DYSF: variants seen among roughly 807,000 people sequenced by gnomAD.
DYSF encodes the protein dysferlin, also known as dystrophy-associated fer-1-like 1.
DYSF carries 212 observed loss-of-function variants against 274.9 expected under a neutral mutation model. The observed-to-expected ratio is 0.77, with a 90% CI of 0.69 to 0.86. The LOEUF is 0.86. DYSF is among the 40% of genes least tolerant of loss of function. DYSF has a pLI of 0.00. For missense variants in DYSF, 2,666 were observed against 2,783.2 expected (o/e 0.96, Z 0.95); for synonymous variants, 1,091 against 1,078.7 (o/e 1.01, Z -0.22).
At chr2:71,607,107 A>G (rs2093661698) in intron 36 of DYSF, among the ~76,000 whole-genome samples, 1 of 152,220 alleles carries the variant, frequency 6.6e-6, no homozygotes, top group East Asian at 1.9e-4. Context: ...GTGTCTTTCT[A>G]TGGGAATAAG....
chr2:71,525,671 G>T (rs999525805), intron 12 of DYSF, among the ~76,000 whole-genome samples: 1 of 151,742 alleles, frequency 6.6e-6, no homozygotes, highest in Non-Finnish European at 1.5e-5. Flanking sequence ...CACAGTACAT[G>T]TTATTGGATT....
At chr2:71,635,130 C>T (rs1042336438) in intron 41 of DYSF, among the ~76,000 whole-genome samples, 1 of 152,146 alleles carries the variant, frequency 6.6e-6, no homozygotes, top group South Asian at 2.1e-4. Flanking sequence ...GGGTCTGTTC[C>T]GTGTACACTT....
intron 7 of DYSF, among the ~76,000 whole-genome samples, chr2:71,514,503 A>T (rs1055095194): frequency 6.6e-6 from 1 of 152,212 alleles, no homozygotes; most frequent in Non-Finnish European, 1.5e-5. Context: ...AAAAGCTATT[A>T]ATATGAACAC....
At position 71,590,365 on chromosome 2, in the gene DYSF, CA is replaced by C; in HGVS notation, c.3574+79del. 2.6e-6 allele frequency: 4 copies of C among 1,522,360 alleles called. No homozygotes were observed. In the East Asian group the frequency reaches 9.0e-5, roughly 34 times the overall value. The allele number at this position is 1,522,360 out of a possible 1,614,324, so 94.3% of individuals were successfully genotyped here. On this transcript the variant is annotated intron_variant, in intron 32 of 55. Transcript: ENST00000410020. ...ATGGAGACATCTGGCTTTCGGGCAA[CA>C]AGGGGTGCTGTTTGCTGGGTGCATG...
intron 21 of DYSF, among the ~76,000 whole-genome samples, chr2:71,555,348 G>A (rs1331850068): frequency 6.6e-6 from 1 of 152,152 alleles, no homozygotes; most frequent in East Asian, 1.9e-4. Flanking sequence ...GCTGGGTGGG[G>A]AGGGGTGTGT....
intron 34 of DYSF, 119 bp downstream of exon 34, chr2:71,600,961 C>A: frequency 7.2e-7 from 1 of 1,387,282 alleles, no homozygotes; most frequent in Non-Finnish European, 1.0e-6. Context: ...GACCCATTTT[C>A]TGAACCCTAA....
At chr2:71,601,417 G>C in intron 34 of DYSF, 82 bp from the exon 35 acceptor site, 1 of 1,559,848 alleles carries the variant, frequency 6.4e-7, no homozygotes, top group Non-Finnish European at 8.8e-7. Flanking sequence ...TCTGATCACT[G>C]ACATAGTCCA....
chr2:71,616,872 AT>A (rs1481263961), intron 40 of DYSF, among the ~76,000 whole-genome samples: 1 of 151,766 alleles, frequency 6.6e-6, no homozygotes, highest in Non-Finnish European at 1.5e-5. Context: ...CTCTGACTTC[AT>A]TTCTACCTTT....
intron 41 of DYSF, among the ~76,000 whole-genome samples, chr2:71,640,231 G>A (rs2094466172): frequency 2.0e-5 from 3 of 152,206 alleles, no homozygotes; most frequent in East Asian, 1.9e-4. Flanking sequence ...AAGGGAGAAA[G>A]CCTGATACTG....
intron 3 of DYSF, among the ~76,000 whole-genome samples, chr2:71,491,318 A>G (rs1445393099): frequency 1.3e-5 from 2 of 152,250 alleles, no homozygotes; most frequent in Non-Finnish European, 2.9e-5. Context: ...TTCTATCTGT[A>G]TAAAACTTTT....
chr2:71,521,096 A>G (rs1573706154), intron 12 of DYSF, among the ~76,000 whole-genome samples, 192 bp downstream of exon 12: 1 of 152,234 alleles, frequency 6.6e-6, no homozygotes, highest in East Asian at 1.9e-4. Context: ...ATTAATAAAA[A>G]ATGAATCACT....
chr2:71,527,128 C>T (rs915959952), intron 13 of DYSF, among the ~76,000 whole-genome samples: 2 of 152,338 alleles, frequency 1.3e-5, no homozygotes, highest in Non-Finnish European at 2.9e-5. Context: ...GGGGCCCCAC[C>T]TCCAGCGTTT....
intron 3 of DYSF, among the ~76,000 whole-genome samples, chr2:71,498,805 C>G (rs1389594782): frequency 6.6e-5 from 10 of 152,174 alleles, no homozygotes; most frequent in Non-Finnish European, 1.2e-4. Flanking sequence ...TCGGTTGGGT[C>G]AGATCTCTTT....
chr2:71,536,152 AG>A (rs2089314742), intron 16 of DYSF, among the ~76,000 whole-genome samples: 1 of 152,222 alleles, frequency 6.6e-6, no homozygotes, highest in Non-Finnish European at 1.5e-5. Flanking sequence ...GTGTGATCTC[AG>A]GGCATTGGGC....
Position 71,555,969 on chromosome 2 carries a change from C to G in DYSF, c.2114C>G (p.Ala705Gly). The G allele has an allele frequency of 6.4e-7, 1 of 1,559,500 alleles. No homozygotes were observed. The highest frequency in any genetic ancestry group is 2.4e-5 in the East Asian group (1 of 42,332). The change falls in exon 22 of 56, where the codon GCT becomes GGT. Residue 705 changes from alanine (A) to glycine (G), a missense_variant. By Grantham distance (60) the Ala-to-Gly change is moderately conservative (BLOSUM62 0). Coordinates refer to ENST00000410020, the MANE Select transcript of DYSF (RefSeq NM_001130987.2). The stretch of plus-strand genomic sequence containing the variant: ...CCTTGCCTGCCCATTCCACAGGAAG[C>G]TGGCCTGGAGCAGGTCCACCTGGCC... The part of the protein sequence containing the change: ...QLLGIADRLE[A>G]GLEQVHLALK...
chr2:71,680,083 T>G (rs1033691842), intron 53 of DYSF, among the ~76,000 whole-genome samples: 1 of 152,168 alleles, frequency 6.6e-6, no homozygotes, highest in Non-Finnish European at 1.5e-5. Flanking sequence ...TGAGGCACAG[T>G]AAGAGATTAA....
chr2:71,551,614 G>A lies in DYSF; in HGVS notation c.1700G>A (p.Gly567Asp), dbSNP rs568338764. Residue 567 changes from glycine to aspartate, a missense_variant, in exon 19 of 56, where the codon GGT becomes GAT. By Grantham distance (94) the Gly-to-Asp change is moderately conservative. Around this residue, in one of 3 missense-constraint regions of DYSF, gnomAD observed 794 missense variants for 777.1 expected, o/e 1.02. Transcript: ENST00000410020. ...ACCTGACCTCCCTGGCAGGGGGAAG[G>A]TGTGGCTTATCGTGGCCGGCTTCTG... Reference protein sequence around the residue: ...YTELNTGKGEGVAYRGRLLLS... With the variant: ...YTELNTGKGEDVAYRGRLLLS... 10 of 1,605,996 alleles carry A rather than the reference G, an allele frequency of 6.2e-6. No homozygotes were observed. The highest frequency in any genetic ancestry group is 1.3e-5 in the African/African-American group (1 of 74,916).
rs770943877 is a variant in DYSF, at chr2:71,680,978, C to T, written c.6064-23C>T. The T allele has an allele frequency of 3.7e-6, 6 of 1,611,386 alleles. No homozygotes were observed. The African/African-American group carries it at 6.7e-5, about 18-fold the overall frequency. ...CTGAGCAGAGCCTTCGTGCCCCTAA[C>T]CAAGTGCTCTCTGTCCCCTCAGGGC... On this transcript the variant is annotated intron_variant, in intron 53 of 55. Transcript: ENST00000410020.
intron 10 of DYSF, 47 bp from the exon 11 acceptor site, chr2:71,520,131 G>A (rs775657907): frequency 1.3e-5 from 21 of 1,612,662 alleles, no homozygotes; most frequent in East Asian, 4.5e-5. Context: ...TTTATTTAAC[G>A]CTTTGGCGGC....
Sources: gnomAD v4.1 joint callset for allele counts (sites outside exome capture counted in the v4.1 genomes callset) on GRCh38, gnomAD v4.1.1 for gene constraint, gnomAD v4.1.1 regional missense constraint, MANE v1.5 for transcripts, NCBI Gene and HGNC (gene_info 2026-07-23, HGNC 2026-07-21) for gene names.